The following TADA2A variants were observed in gnomAD, a reference collection of about 807,000 sequenced individuals.
TADA2A encodes transcriptional adaptor 2A, also known as transcriptional adapter 2-alpha.
Under a neutral mutation model 67.4 loss-of-function variants are expected in TADA2A, and 38 were observed. That is an observed-to-expected ratio of 0.56 (90% CI 0.44 to 0.74). The LOEUF is 0.74. TADA2A is among the 30% of genes least tolerant of loss of function. TADA2A has a pLI of 0.00. For synonymous variants in TADA2A, 192 were observed against 181.6 expected (o/e 1.06, Z -0.46); for missense variants, 454 against 547.0 (o/e 0.83, Z 1.70).
At chr17:37,432,287 C>T (rs2052593630) in intron 4 of TADA2A, among the ~76,000 whole-genome samples, 1 of 152,142 alleles carries the variant, frequency 6.6e-6, no homozygotes, top group African/African-American at 2.4e-5. Flanking sequence ...GCCTCAGCCT[C>T]CCAGGTAGCT....
At position 37,437,806 on chromosome 17, in the gene TADA2A, G is replaced by A; in HGVS notation, c.261G>A (p.Val87=). Residue 87 remains valine (V), a synonymous_variant, in exon 5 of 16, where the codon GTG becomes GTA. Coordinates refer to ENST00000615182, the MANE Select transcript of TADA2A (RefSeq NM_001166105.3). ...AQEEMALLEA[V]MDCGFGNWQD... is the part of the protein sequence containing the mutation. ...AAGAAATGGCCCTTTTAGAAGCTGT[G>A]ATGGACTGTGGCTTTGGAAATTGGT... The A allele has an allele frequency of 6.2e-7, 1 of 1,614,192 alleles. No homozygotes were observed. The highest frequency in any genetic ancestry group is 8.5e-7 in the Non-Finnish European group (1 of 1,180,044).
Position 37,427,027 on chromosome 17 carries a change from G to T in TADA2A, c.192+18G>T. On this transcript the variant is annotated intron_variant, in intron 4 of 15. Coordinates refer to ENST00000615182, the MANE Select transcript of TADA2A (RefSeq NM_001166105.3). Reference sequence around the variant, plus strand: ...AAATAATGGTAATGATGAAGTTGCTGGGAATTTCTGTTCACTTTTTTTAAG... The same window carrying T: ...AAATAATGGTAATGATGAAGTTGCTTGGAATTTCTGTTCACTTTTTTTAAG... 6.4e-7 allele frequency: 1 copy of T among 1,558,642 alleles called. No homozygotes were observed.
At chr17:37,465,327 G>T in intron 10 of TADA2A, 104 bp from the exon 11 acceptor site, 1 of 826,712 alleles carries the variant, frequency 1.2e-6, no homozygotes, top group South Asian at 1.9e-5. Flanking sequence ...ATGAGGTTAT[G>T]AATAATGTTC....
chr17:37,436,200 G>T (rs1010098240), intron 4 of TADA2A, among the ~76,000 whole-genome samples: 1 of 151,838 alleles, frequency 6.6e-6, no homozygotes, highest in Non-Finnish European at 1.5e-5. Context: ...TTAAGATTTG[G>T]CAATTTCTTT....
At chr17:37,425,940 C>T (rs1340235189) in intron 3 of TADA2A, among the ~76,000 whole-genome samples, 1 of 151,158 alleles carries the variant, frequency 6.6e-6, no homozygotes, top group Non-Finnish European at 1.5e-5. Context: ...TACTCCAGGC[C>T]TACTTCAGGG....
At chr17:37,443,021 G>GTGTGGTGGTGCATGCC (rs1169245303) in intron 7 of TADA2A, among the ~76,000 whole-genome samples, 1 of 152,068 alleles carries the variant, frequency 6.6e-6, no homozygotes, top group Non-Finnish European at 1.5e-5. Context: ...AATTAGCTGG[G>GTGTGGTGGTGCATGCC]TGTGGTGGTG....
At chr17:37,442,078 T>C (rs2052935171) in intron 6 of TADA2A, among the ~76,000 whole-genome samples, 1 of 152,170 alleles carries the variant, frequency 6.6e-6, no homozygotes, top group Admixed American at 6.5e-5. Context: ...TGCTTTTGTT[T>C]TACATTCGAG....
intron 3 of TADA2A, among the ~76,000 whole-genome samples, chr17:37,426,090 C>T (rs1240065690): frequency 6.6e-6 from 1 of 152,080 alleles, no homozygotes; most frequent in Non-Finnish European, 1.5e-5. Context: ...CCTCCTCCCT[C>T]AGCCTGCCCT....
chr17:37,437,733 C>T lies in TADA2A; in HGVS notation c.193-5C>T, dbSNP rs201318846. ...TGTTCTTAAGCAAAACTTTTTTCTC[C>T]TTAGACTTCAGATTTTCCTGTCCTT... On this transcript the variant is annotated splice_region_variant and splice_polypyrimidine_tract_variant and intron_variant, in intron 4 of 15. Transcript: ENST00000615182. The T allele has an allele frequency of 1.9e-6, 3 of 1,613,820 alleles. No homozygotes were observed. Among genetic ancestry groups the T allele is most frequent in the Non-Finnish European group, 2.5e-6 (3 of 1,179,898 alleles).
At chr17:37,449,560 G>A (rs2053175647) in intron 8 of TADA2A, among the ~76,000 whole-genome samples, 1 of 151,948 alleles carries the variant, frequency 6.6e-6, no homozygotes, top group Non-Finnish European at 1.5e-5. Flanking sequence ...AAGAGGTAGA[G>A]TCATCCCCAA....
intron 7 of TADA2A, 93 bp downstream of exon 7, chr17:37,442,745 A>G (rs903863595): frequency 2.5e-6 from 3 of 1,193,834 alleles, no homozygotes; most frequent in Non-Finnish European, 2.4e-6. Context: ...ATACCACTAA[A>G]AGGAGATTTT....
chr17:37,424,936 A>G (rs2052360526), intron 3 of TADA2A, among the ~76,000 whole-genome samples: 1 of 151,814 alleles, frequency 6.6e-6, no homozygotes. Flanking sequence ...ATCTCGGTTC[A>G]CTGCAAGCTG....
rs368949540 is a variant in TADA2A, at chr17:37,437,687, C to CTAG, written c.193-51_193-50insTAG. ...TAGGCGTGAGCCACCGTGCCTGGCC[C>CTAG]CTAGATTCCATTTGTATCTCTGTTC... is the stretch of plus-strand genomic sequence containing the variant. On this transcript the variant is annotated intron_variant, in intron 4 of 15. Coordinates refer to ENST00000615182, the MANE Select transcript of TADA2A (RefSeq NM_001166105.3). 5,528 of 1,558,046 alleles carry CTAG rather than the reference C, an allele frequency of 3.5e-3. 14 individuals carry two copies. The highest frequency in any genetic ancestry group is 4.0e-3 in the Non-Finnish European group (4,516 of 1,129,778).
At chr17:37,458,836 C>T (rs2053472846) in intron 9 of TADA2A, among the ~76,000 whole-genome samples, 1 of 152,068 alleles carries the variant, frequency 6.6e-6, no homozygotes, top group Admixed American at 6.6e-5. Flanking sequence ...GCCACCATGC[C>T]TGGCTAATTT....
chr17:37,443,076 C>T (rs1331521966), intron 7 of TADA2A, among the ~76,000 whole-genome samples: 2 of 152,080 alleles, frequency 1.3e-5, no homozygotes, highest in East Asian at 3.9e-4. Context: ...ATGGGAGGAT[C>T]ACTTGAGCCT....
intron 5 of TADA2A, among the ~76,000 whole-genome samples, chr17:37,439,471 T>G (rs1422898664): frequency 6.6e-6 from 1 of 151,986 alleles, no homozygotes; most frequent in African/African-American, 2.4e-5. Context: ...TTTGTTGAGA[T>G]AGGATTTTAC....
At chr17:37,450,627 T>C (rs7217755) in intron 8 of TADA2A, 1,838 of 152,376 alleles carry the variant, frequency 0.012, 50 homozygotes, top group African/African-American at 0.041. Flanking sequence ...AGGGGCCTTG[T>C]AGCAATGGAC....
At chr17:37,442,382 CT>C (rs1242695928) in intron 6 of TADA2A, among the ~76,000 whole-genome samples, 181 bp from the exon 7 acceptor site, 1 of 152,036 alleles carries the variant, frequency 6.6e-6, no homozygotes, top group Non-Finnish European at 1.5e-5. Flanking sequence ...CCCATATTTA[CT>C]TAAAGGATTG....
At chr17:37,423,941 G>A (rs962482016) in intron 3 of TADA2A, among the ~76,000 whole-genome samples, 1 of 151,568 alleles carries the variant, frequency 6.6e-6, no homozygotes, top group Non-Finnish European at 1.5e-5. Flanking sequence ...GTAGAGACGG[G>A]GTTTCACCAT....
Sources: gnomAD v4.1 joint callset for allele counts (sites outside exome capture counted in the v4.1 genomes callset) on GRCh38, gnomAD v4.1.1 for gene constraint, MANE v1.5 for transcripts, NCBI Gene and HGNC (gene_info 2026-07-23, HGNC 2026-07-21) for gene names.